Variants in CLIP1 observed in about 807,000 individuals in gnomAD.
CLIP1 encodes CAP-Gly domain containing linker protein 1.
Under a neutral mutation model 161.6 loss-of-function variants are expected in CLIP1, and 66 were observed. That is an observed-to-expected ratio of 0.41 (90% CI 0.33 to 0.50). The LOEUF (loss-of-function observed/expected upper bound fraction) is 0.50. Ranked by LOEUF, CLIP1 falls within the 20% of genes least tolerant of loss-of-function variation. CLIP1 has a pLI of 0.27. For synonymous variants in CLIP1, 598 were observed against 626.2 expected (o/e 0.96, Z 0.67); for missense variants, 1,376 against 1,702.0 (o/e 0.81, Z 3.37).
At chr12:122,309,695 A>G in intron 20 of CLIP1, 67 bp downstream of exon 20, 2 of 1,594,102 alleles carry the variant, frequency 1.3e-6, no homozygotes, top group Non-Finnish European at 8.6e-7. Context: ...GTGGCCTCTG[A>G]GCGTGCTGCC....
At position 122,341,179 on chromosome 12, in the gene CLIP1, T is replaced by C. The variant is rs1252857432; in HGVS notation, c.2025A>G (p.Glu675=). ...KMRLDYQHEI[E]NLQNQQDSER... is the part of the protein sequence containing the mutation. ...CAGAGTCTTGTTGATTCTGCAAATT[T>C]TCTATTTCGTGTTGGTAATCTAGTC... Residue 675 remains glutamate (E), a synonymous_variant, in exon 11 of 26, where the codon GAA becomes GAG. Coordinates refer to ENST00000620786, the MANE Select transcript of CLIP1 (RefSeq NM_001247997.2). 6.2e-7 allele frequency: 1 copy of C among 1,614,098 alleles called. No homozygotes were observed. Among genetic ancestry groups the C allele is most frequent in the Non-Finnish European group, 8.5e-7 (1 of 1,180,046 alleles).
chr12:122,380,347 A>T (rs770277950), intron 2 of CLIP1, 21 bp downstream of exon 2: 1 of 1,560,536 alleles, frequency 6.4e-7, no homozygotes, highest in Non-Finnish European at 8.8e-7. Context: ...GGATAAGGAA[A>T]GGAAAAGCGT....
At chr12:122,368,155 T>C (rs905286542) in intron 3 of CLIP1, among the ~76,000 whole-genome samples, 7 of 152,174 alleles carry the variant, frequency 4.6e-5, no homozygotes, top group African/African-American at 7.2e-5. Flanking sequence ...ACTATTTTTA[T>C]GCTTTAGCAA....
chr12:122,278,216 GAAAAA>G lies in CLIP1; in HGVS notation c.3917-18_3917-14del, dbSNP rs35483741. ...GTGTCTGTATTACCTTATATTTGAG[GAAAAA>G]AAAAAAAAAACAAGTGGAGGGAGAA... On this transcript the variant is annotated splice_polypyrimidine_tract_variant and intron_variant, in intron 23 of 25. Coordinates refer to ENST00000620786, the MANE Select transcript of CLIP1 (RefSeq NM_001247997.2). The G allele has an allele frequency of 7.3e-7, 1 of 1,362,312 alleles. No homozygotes were observed. Among genetic ancestry groups the G allele is most frequent in the Non-Finnish European group, 1.0e-6 (1 of 1,004,700 alleles). 84.4% of individuals were successfully genotyped at this position (1,362,312 alleles called of 1,614,324 possible).
intron 5 of CLIP1, among the ~76,000 whole-genome samples, chr12:122,357,783 C>T (rs548943673): frequency 6.7e-6 from 1 of 150,142 alleles, no homozygotes; most frequent in South Asian, 2.1e-4. Flanking sequence ...AGCCCCTCTG[C>T]CCGGCTAGCC....
intron 3 of CLIP1, among the ~76,000 whole-genome samples, chr12:122,371,361 C>T (rs1954439660): frequency 6.6e-6 from 1 of 152,112 alleles, no homozygotes; most frequent in Non-Finnish European, 1.5e-5. Context: ...TCTAGACAGA[C>T]ACCAAATTTG....
chr12:122,391,610 A>G (rs1389216826), intron 1 of CLIP1, among the ~76,000 whole-genome samples: 1 of 152,158 alleles, frequency 6.6e-6, no homozygotes, highest in Non-Finnish European at 1.5e-5. Context: ...TAAATAAAAT[A>G]GTAATAAGAA....
chr12:122,419,180 G>C (rs1956851516), intron 1 of CLIP1, among the ~76,000 whole-genome samples: 1 of 152,042 alleles, frequency 6.6e-6, no homozygotes, highest in Non-Finnish European at 1.5e-5. Context: ...AGACCAGCCT[G>C]GCCAACATGG....
intron 20 of CLIP1, among the ~76,000 whole-genome samples, chr12:122,302,154 G>A (rs1950704258): frequency 6.6e-6 from 1 of 152,194 alleles, no homozygotes; most frequent in Admixed American, 6.5e-5. Flanking sequence ...AGGCTGAAGT[G>A]TAATGGCGCT....
intron 3 of CLIP1, among the ~76,000 whole-genome samples, chr12:122,370,740 G>A (rs1362647921): frequency 6.6e-6 from 1 of 152,054 alleles, no homozygotes. Flanking sequence ...TTATGTCTCG[G>A]AACTACTTAA....
intron 3 of CLIP1, among the ~76,000 whole-genome samples, chr12:122,368,018 A>C (rs1366203699): frequency 6.6e-6 from 1 of 152,178 alleles, no homozygotes; most frequent in Non-Finnish European, 1.5e-5. Context: ...TCCCATGGCA[A>C]ACACAAACAA....
intron 1 of CLIP1, among the ~76,000 whole-genome samples, chr12:122,388,826 C>T (rs1241481277): frequency 6.6e-6 from 1 of 152,144 alleles, no homozygotes; most frequent in African/African-American, 2.4e-5. Context: ...CCTACTGCCT[C>T]GGCCTCCCAA....
At position 122,377,695 on chromosome 12, in the gene CLIP1, T is replaced by A. The variant is rs1309338801; in HGVS notation, c.351A>T (p.Ile117=). The change falls in exon 3 of 26, where the codon ATA becomes ATT. Residue 117 remains isoleucine (I), a synonymous_variant. Coordinates refer to ENST00000620786, the MANE Select transcript of CLIP1 (RefSeq NM_001247997.2). ...TTGTTAACTTTGAAGGTCGGGTAAA[T>A]ATGCCCTTTAAAGGTTCACACTGGA... ...RYFQCEPLKG[I]FTRPSKLTRK... is the part of the protein sequence containing the mutation. 2 of 1,613,726 alleles carry A rather than the reference T, an allele frequency of 1.2e-6. No homozygotes were observed. Among genetic ancestry groups the A allele is most frequent in the South Asian group, 1.1e-5 (1 of 91,060 alleles).
intron 20 of CLIP1, among the ~76,000 whole-genome samples, chr12:122,299,240 T>C (rs1950584036): frequency 6.6e-6 from 1 of 152,118 alleles, no homozygotes; most frequent in Non-Finnish European, 1.5e-5. Flanking sequence ...TGGCAGTCAT[T>C]TCCAGGATGG....
intron 15 of CLIP1, 135 bp downstream of exon 15, chr12:122,332,852 G>T: frequency 1.6e-6 from 1 of 644,218 alleles, no homozygotes. Flanking sequence ...AGGACACAAT[G>T]AGGTAATAAC....
Position 122,358,251 on chromosome 12 carries a change from A to C in CLIP1, c.1005+2708T>G, listed in dbSNP as rs895212920. 2.4e-3 allele frequency among the ~76,000 whole-genome samples: 360 copies of C among 151,392 alleles called. 2 individuals are homozygous for C. Among genetic ancestry groups the C allele is most frequent in the African/African-American group, 8.3e-3 (343 of 41,214 alleles). ...GATGCTTGAAGGCAGCATGCTCGTTAAGAGTCATCACCACTCCCTAATCTC... is the reference window on the plus strand; with the variant it reads ...GATGCTTGAAGGCAGCATGCTCGTTCAGAGTCATCACCACTCCCTAATCTC... On this transcript the variant is annotated intron_variant, in intron 5 of 25. Coordinates refer to ENST00000620786, the MANE Select transcript of CLIP1 (RefSeq NM_001247997.2).
chr12:122,281,472 A>T (rs1955642645), intron 21 of CLIP1, among the ~76,000 whole-genome samples: 1 of 152,084 alleles, frequency 6.6e-6, no homozygotes, highest in Non-Finnish European at 1.5e-5. Flanking sequence ...GGATCGCTTG[A>T]GGCCAGGAGT....
In CLIP1 at chr12:122,309,625, T is replaced by C. The variant is rs548487184; in HGVS notation, c.3594+137A>G. 283 of 990,898 alleles carry C rather than the reference T, an allele frequency of 2.9e-4. 1 individual carries two copies. The highest frequency in any genetic ancestry group is 7.5e-4 in the South Asian group (47 of 62,634). The allele number at this position is 990,898 out of a possible 1,614,324, so 61.4% of individuals were successfully genotyped here. On this transcript the variant is annotated intron_variant, in intron 20 of 25. Transcript: ENST00000620786. ...GCACGTTTGAAAACAAGGAGACACA[T>C]AGCACAGGTAACTTGGAATTCCATT...
intron 17 of CLIP1, among the ~76,000 whole-genome samples, chr12:122,320,142 C>A (rs990109744): frequency 4.6e-5 from 7 of 151,670 alleles, no homozygotes; most frequent in African/African-American, 1.7e-4. Flanking sequence ...GCCGTGGTGG[C>A]GGGTGCCTGT....
Sources: allele counts gnomAD v4.1 joint callset (sites outside exome capture counted in the v4.1 genomes callset), GRCh38; gene constraint gnomAD v4.1.1; transcripts MANE v1.5; gene names NCBI Gene and HGNC (gene_info 2026-07-23, HGNC 2026-07-21).